The following SUN1 variants were observed in gnomAD, a reference collection of about 807,000 sequenced individuals.
SUN1 encodes SUN domain-containing protein 1.
A neutral mutation model predicts 103.2 loss-of-function variants in SUN1; 61 were observed. The ratio of observed to expected loss-of-function variants is 0.59; its 90% CI spans 0.48 to 0.73. The LOEUF (loss-of-function observed/expected upper bound fraction) is 0.73, where lower values mean the gene tolerates loss of function less well. Among genes scored for constraint, SUN1 ranks in the 30% least tolerant of loss-of-function variants. SUN1 has a pLI of 0.00. For synonymous variants in SUN1, 490 were observed against 425.7 expected, an observed-to-expected ratio of 1.15 and a Z score of -1.86; for missense variants, 1,052 against 1,034.6, an observed-to-expected ratio of 1.02 and a Z score of -0.23.
At chr7:859,622 C>T (rs1181198800) in intron 13 of SUN1, among the ~76,000 whole-genome samples, 3 of 152,168 alleles carry the variant, frequency 2.0e-5, no homozygotes, top group Non-Finnish European at 4.4e-5. Flanking sequence ...GAGGCTTTGC[C>T]CTCTCCTTCA....
At chr7:830,796 G>C (rs1797216884), upstream of SUN1, 1 of 241,014 alleles carries the variant, frequency 4.1e-6, no homozygotes, top group South Asian at 1.5e-4. Flanking sequence ...ATAGCACTGA[G>C]TTAGCCCAGT....
intron 16 of SUN1, 66 bp from the exon 17 acceptor site, chr7:869,283 C>G: frequency 3.9e-6 from 6 of 1,540,896 alleles, no homozygotes; most frequent in Non-Finnish European, 5.3e-6. Flanking sequence ...AGTCTTTCCT[C>G]TTCCTGCTGC....
In SUN1 at chr7:874,584, T is replaced by C. The variant is rs968749323; in HGVS notation, c.*1253T>C. ...TCAAATACACTGATGTATGAAACTA[T>C]TCATACATCAAGCAGCATTTTTTTC... On this transcript the variant is annotated 3_prime_UTR_variant, in exon 19 of 19. Coordinates refer to ENST00000401592, the MANE Select transcript of SUN1 (RefSeq NM_001130965.3). 1 of 151,932 alleles carries C rather than the reference T, an allele frequency of 6.6e-6. No individual in the cohort carries two copies. Among genetic ancestry groups the C allele is most frequent in the African/African-American group, 2.4e-5 (1 of 40,900 alleles). The allele number at this position is 151,932 out of a possible 1,614,324, so 9.4% of individuals were successfully genotyped here.
At chr7:843,585 T>G in intron 5 of SUN1, 65 bp downstream of exon 5, 1 of 1,613,228 alleles carries the variant, frequency 6.2e-7, no homozygotes, top group African/African-American at 1.3e-5. Flanking sequence ...TTCCTTTCTG[T>G]AAGTCTCAGT....
chr7:834,847 G>A (rs993647558), intron 1 of SUN1, among the ~76,000 whole-genome samples: 3 of 152,158 alleles, frequency 2.0e-5, no homozygotes, highest in African/African-American at 7.2e-5. Context: ...AGGCTGAGGC[G>A]GGTGGATCAC....
chr7:861,915 G>A (rs555327552), intron 15 of SUN1, among the ~76,000 whole-genome samples: 37 of 152,346 alleles, frequency 2.4e-4, no homozygotes, highest in South Asian at 6.2e-4. Flanking sequence ...TACAAAGGCC[G>A]CTGTGGTCGG....
chr7:817,196 G>C (rs1451127340), intron 1 of SUN1: 5 of 557,630 alleles, frequency 9.0e-6, no homozygotes, highest in African/African-American at 3.8e-5. Flanking sequence ...CTGAGCGCGA[G>C]CTATCCTCCC....
At chr7:819,288 T>A (rs1422655221) in intron 1 of SUN1, among the ~76,000 whole-genome samples, 3 of 151,950 alleles carry the variant, frequency 2.0e-5, no homozygotes, top group African/African-American at 7.3e-5. Flanking sequence ...AGTCTTTGGA[T>A]TGTCTCTTCA....
chr7:831,396 C>T (rs571238755), upstream of SUN1, among the ~76,000 whole-genome samples: 7 of 151,870 alleles, frequency 4.6e-5, no homozygotes, highest in Non-Finnish European at 5.9e-5. Flanking sequence ...CTCAGCCTCC[C>T]GAGTAGCTGG....
intron 5 of SUN1, among the ~76,000 whole-genome samples, chr7:845,450 C>T (rs1322924860): frequency 6.6e-6 from 1 of 152,088 alleles, no homozygotes; most frequent in African/African-American, 2.4e-5. Context: ...AGTGTATCGC[C>T]CTGTATTAGA....
At chr7:846,529 C>T (rs1815948933) in intron 5 of SUN1, among the ~76,000 whole-genome samples, 1 of 151,644 alleles carries the variant, frequency 6.6e-6, no homozygotes, top group Admixed American at 6.6e-5. Flanking sequence ...GAGCTGAGAT[C>T]ATACCACTGC....
chr7:842,178 T>G, intron 3 of SUN1, 48 bp downstream of exon 3: 1 of 1,590,730 alleles, frequency 6.3e-7, no homozygotes, highest in South Asian at 1.1e-5. Flanking sequence ...TTGGGGTGTT[T>G]CTCAGATTAT....
intron 1 of SUN1, among the ~76,000 whole-genome samples, chr7:822,912 A>G (rs1003120046): frequency 1.3e-5 from 2 of 152,152 alleles, no homozygotes; most frequent in Non-Finnish European, 2.9e-5. Context: ...CCCTGTGGCC[A>G]CCCGTGAATT....
chr7:840,397 G>A (rs1808181580), intron 2 of SUN1, among the ~76,000 whole-genome samples: 1 of 152,220 alleles, frequency 6.6e-6, no homozygotes, highest in Admixed American at 6.5e-5. Context: ...CAAGTGTGCT[G>A]CAGCTGTACT....
chr7:835,440 T>A (rs1174913054), intron 1 of SUN1, among the ~76,000 whole-genome samples: 1 of 152,258 alleles, frequency 6.6e-6, no homozygotes, highest in Non-Finnish European at 1.5e-5. Context: ...CTTCTTAATG[T>A]ATTTAGTCAG....
chr7:824,691 T>C (rs1789707404), intron 1 of SUN1, among the ~76,000 whole-genome samples: 1 of 152,206 alleles, frequency 6.6e-6, no homozygotes, highest in African/African-American at 2.4e-5. Context: ...TCTTTGACAC[T>C]CAGCTGTTTT....
intron 1 of SUN1, among the ~76,000 whole-genome samples, chr7:827,301 T>C (rs1793122388): frequency 6.6e-6 from 1 of 151,998 alleles, no homozygotes; most frequent in South Asian, 2.1e-4. Context: ...GCTGGGATTA[T>C]AGGTGTCAGC....
At chr7:844,641 C>T (rs1238821790) in intron 5 of SUN1, among the ~76,000 whole-genome samples, 2 of 152,182 alleles carry the variant, frequency 1.3e-5, no homozygotes, top group African/African-American at 4.8e-5. Context: ...GTGGCGGGAG[C>T]GGGGCGGCAC....
In SUN1 at chr7:856,983, C is replaced by G. The variant is rs77162371; in HGVS notation, c.1394+582C>G. Among the ~76,000 whole-genome samples the G allele has an allele frequency of 7.6e-3, 1,157 of 152,320 alleles. 51 individuals are homozygous for G. The East Asian group carries it at 0.14, about 18-fold the overall frequency. ...GGCACAGCCGGGTCCCTCTGCAGTTCCTGGGGAAGCTGGCATTTTGCTCCT... is the reference window on the plus strand; with the variant it reads ...GGCACAGCCGGGTCCCTCTGCAGTTGCTGGGGAAGCTGGCATTTTGCTCCT... On this transcript the variant is annotated intron_variant, in intron 12 of 18. Coordinates refer to ENST00000401592, the MANE Select transcript of SUN1 (RefSeq NM_001130965.3).
Sources: gnomAD v4.1 joint callset for allele counts (sites outside exome capture counted in the v4.1 genomes callset) on GRCh38, gnomAD v4.1.1 for gene constraint, MANE v1.5 for transcripts, NCBI Gene and HGNC (gene_info 2026-07-23, HGNC 2026-07-21) for gene names.